FHIT: variants seen among roughly 807,000 people sequenced by gnomAD.
The protein encoded by FHIT is fragile histidine triad diadenosine triphosphatase, also known as bis(5'-adenosyl)-triphosphatase.
In FHIT, 19 loss-of-function variants were observed where a neutral mutation model predicts 17.9. The observed-to-expected ratio is 1.06, with a 90% CI of 0.74 to 1.56. The LOEUF (loss-of-function observed/expected upper bound fraction) is 1.56, where lower values mean the gene tolerates loss of function less well. Ranked by LOEUF, FHIT falls within the 40% of genes most tolerant of loss-of-function variation. FHIT has a pLI of 0.00. For missense variants in FHIT, 248 were observed against 189.2 expected, an observed-to-expected ratio of 1.31 and a Z score of -1.82; for synonymous variants, 81 against 69.7, an observed-to-expected ratio of 1.16 and a Z score of -0.81.
chr3:59,911,724 G>C (rs1704886917), intron 8 of FHIT, among the ~76,000 whole-genome samples: 1 of 152,164 alleles, frequency 6.6e-6, no homozygotes, highest in Non-Finnish European at 1.5e-5. Flanking sequence ...TCTTTCTCAG[G>C]GGGAGGTTTT....
At chr3:60,682,260 C>T (rs1287824830) in intron 4 of FHIT, among the ~76,000 whole-genome samples, 1 of 152,164 alleles carries the variant, frequency 6.6e-6, no homozygotes, top group African/African-American at 2.4e-5. Flanking sequence ...GGTAAGCCAC[C>T]ACACCCGGCC....
chr3:60,700,394 G>C lies in FHIT; in HGVS notation c.-18+121525C>G, dbSNP rs1427736888. ...CCAATTAGTCAAATGATTAGATGCTGCCATATCATGGACATGCTGGACATC... is the reference window on the plus strand; with the variant it reads ...CCAATTAGTCAAATGATTAGATGCTCCCATATCATGGACATGCTGGACATC... On this transcript the variant is annotated intron_variant, in intron 4 of 9. Transcript: ENST00000492590. Among the ~76,000 whole-genome samples, 3 of 152,120 alleles carry C rather than the reference G, an allele frequency of 2.0e-5. No homozygotes were observed. In the East Asian group the frequency reaches 5.8e-4, roughly 29 times the overall value.
At chr3:60,923,441 G>A (rs1707393497) in intron 3 of FHIT, among the ~76,000 whole-genome samples, 1 of 152,164 alleles carries the variant, frequency 6.6e-6, no homozygotes, top group Non-Finnish European at 1.5e-5. Context: ...TGTACACAAA[G>A]CATTTTAAAT....
At chr3:59,884,119 T>C (rs1166964502) in intron 8 of FHIT, among the ~76,000 whole-genome samples, 2 of 152,218 alleles carry the variant, frequency 1.3e-5, no homozygotes, top group Non-Finnish European at 2.9e-5. Flanking sequence ...ATTTATTCCT[T>C]ATCTGAATTT....
intron 1 of FHIT, among the ~76,000 whole-genome samples, chr3:61,250,098 C>G (rs1030149034): frequency 2.0e-5 from 3 of 152,204 alleles, no homozygotes; most frequent in Non-Finnish European, 4.4e-5. Flanking sequence ...AGTTCCGAGT[C>G]AAGCGGCTGC....
intron 5 of FHIT, among the ~76,000 whole-genome samples, chr3:60,228,075 C>G (rs2107546830): frequency 6.6e-6 from 1 of 152,288 alleles, no homozygotes; most frequent in South Asian, 2.1e-4. Flanking sequence ...ACAGATGACC[C>G]TATCACTCCA....
At chr3:61,193,932 A>T (rs1263674524) in intron 2 of FHIT, among the ~76,000 whole-genome samples, 1 of 152,220 alleles carries the variant, frequency 6.6e-6, no homozygotes, top group East Asian at 1.9e-4. Context: ...GAAGACCCAA[A>T]GACTAAAGGA....
At chr3:61,039,600 A>G (rs1202864037) in intron 3 of FHIT, among the ~76,000 whole-genome samples, 7 of 152,154 alleles carry the variant, frequency 4.6e-5, no homozygotes, top group Non-Finnish European at 5.9e-5. Context: ...AACTAACACA[A>G]GAACAGAAAA....
intron 4 of FHIT, among the ~76,000 whole-genome samples, chr3:60,574,322 C>T (rs2037492002): frequency 6.6e-6 from 1 of 151,432 alleles, no homozygotes; most frequent in Non-Finnish European, 1.5e-5. Flanking sequence ...CAATTTAGCT[C>T]ACAAATTGTC....
At chr3:60,452,953 T>G (rs2031845072) in intron 5 of FHIT, among the ~76,000 whole-genome samples, 1 of 152,128 alleles carries the variant, frequency 6.6e-6, no homozygotes, top group South Asian at 2.1e-4. Flanking sequence ...GGAAAATTAG[T>G]CATTTCTGTA....
At chr3:60,817,213 T>G (rs1701773999) in intron 4 of FHIT, among the ~76,000 whole-genome samples, 1 of 152,082 alleles carries the variant, frequency 6.6e-6, no homozygotes, top group Non-Finnish European at 1.5e-5. Context: ...TATTACATTA[T>G]AAACACCACA....
intron 4 of FHIT, among the ~76,000 whole-genome samples, chr3:60,774,475 A>G (rs1700152162): frequency 6.6e-6 from 1 of 151,820 alleles, no homozygotes; most frequent in Non-Finnish European, 1.5e-5. Flanking sequence ...TAATTTTTGT[A>G]TTTTTAGTAG....
chr3:59,899,303 C>T (rs1055876208), intron 8 of FHIT, among the ~76,000 whole-genome samples: 2 of 152,190 alleles, frequency 1.3e-5, no homozygotes, highest in African/African-American at 4.8e-5. Flanking sequence ...TCTGAGCAGG[C>T]AGAGAATGGC....
chr3:59,943,549 C>A (rs1269312568), intron 7 of FHIT, among the ~76,000 whole-genome samples: 2 of 152,074 alleles, frequency 1.3e-5, no homozygotes, highest in Non-Finnish European at 2.9e-5. Context: ...GTAAGAACAA[C>A]TCAACTCTCC....
intron 4 of FHIT, among the ~76,000 whole-genome samples, chr3:60,798,786 C>A (rs1218448523): frequency 2.8e-5 from 3 of 107,438 alleles, no homozygotes; most frequent in African/African-American, 1.1e-4. Context: ...GAGACTGAGT[C>A]TTGCTCTGTT....
intron 7 of FHIT, among the ~76,000 whole-genome samples, chr3:59,958,068 A>C (rs1336123721): frequency 6.6e-6 from 1 of 152,208 alleles, no homozygotes; most frequent in Non-Finnish European, 1.5e-5. Flanking sequence ...GCAGGATCTC[A>C]AATTAGATAT....
rs116312826 is a variant in FHIT at position 60,234,053 on chromosome 3, T to C, written c.104-219901A>G. Among the ~76,000 whole-genome samples, 81 of 152,288 alleles carry C rather than the reference T, an allele frequency of 5.3e-4. 1 individual carries two copies. Among genetic ancestry groups the C allele is most frequent in the Non-Finnish European group, 9.6e-4 (65 of 68,012 alleles). ...TATCAATATACTCCCCATACTAGAA[T>C]ACATGCTCTGAGATCATTGGGACCT... On this transcript the variant is annotated intron_variant, in intron 5 of 9. Coordinates refer to ENST00000492590, the MANE Select transcript of FHIT (RefSeq NM_002012.4).
chr3:59,786,610 G>A (rs1386215093), intron 8 of FHIT, among the ~76,000 whole-genome samples: 1 of 152,220 alleles, frequency 6.6e-6, no homozygotes, highest in African/African-American at 2.4e-5. Flanking sequence ...GAAATTGCCT[G>A]CAAATACAAA....
At chr3:60,663,469 C>G (rs1415596419) in intron 4 of FHIT, among the ~76,000 whole-genome samples, 4 of 151,740 alleles carry the variant, frequency 2.6e-5, no homozygotes, top group Admixed American at 2.6e-4. Context: ...GAATTTCACT[C>G]TTGTTGCCCA....
Sources: gnomAD v4.1 joint callset for allele counts (sites outside exome capture counted in the v4.1 genomes callset) on GRCh38, gnomAD v4.1.1 for gene constraint, MANE v1.5 for transcripts, NCBI Gene and HGNC (gene_info 2026-07-23, HGNC 2026-07-21) for gene names.